Variants in SHANK2 observed in about 807,000 individuals in gnomAD.
SHANK2 encodes the protein SH3 and multiple ankyrin repeat domains 2.
SHANK2 carries 43 observed loss-of-function variants against 133.7 expected under a neutral mutation model. That is an observed-to-expected ratio of 0.32 (90% CI 0.25 to 0.41). The LOEUF (loss-of-function observed/expected upper bound fraction) is 0.41. SHANK2 is among the 10% of genes least tolerant of loss of function. The pLI is 1.00. For synonymous variants in SHANK2, 1,017 were observed against 952.8 expected, an observed-to-expected ratio of 1.07 and a Z score of -1.24; for missense variants, 1,994 against 2,235.8, an observed-to-expected ratio of 0.89 and a Z score of 2.18.
intron 10 of SHANK2, among the ~76,000 whole-genome samples, chr11:70,946,731 C>A (rs530311235): frequency 6.7e-6 from 1 of 148,866 alleles, no homozygotes; most frequent in East Asian, 2.1e-4. Context: ...ACCAACCCTT[C>A]CCTAGGCTCA....
intron 11 of SHANK2, among the ~76,000 whole-genome samples, chr11:70,831,502 T>C (rs1229513788): frequency 6.6e-6 from 1 of 152,046 alleles, no homozygotes; most frequent in Non-Finnish European, 1.5e-5. Flanking sequence ...CCGTGCCCCC[T>C]TGCCTCCCTC....
chr11:70,611,287 C>T (rs990998649), intron 17 of SHANK2, among the ~76,000 whole-genome samples: 3 of 152,212 alleles, frequency 2.0e-5, no homozygotes, highest in Non-Finnish European at 4.4e-5. Flanking sequence ...GGCATGTTCA[C>T]GGACACCTAT....
intron 14 of SHANK2, among the ~76,000 whole-genome samples, chr11:70,795,568 G>A (rs1408165217): frequency 6.6e-6 from 1 of 152,032 alleles, no homozygotes; most frequent in Non-Finnish European, 1.5e-5. Flanking sequence ...ACCATGTCCG[G>A]CTAATTTTTG....
chr11:70,582,814 T>C (rs1296746986), intron 17 of SHANK2, among the ~76,000 whole-genome samples: 1 of 152,200 alleles, frequency 6.6e-6, no homozygotes, highest in Non-Finnish European at 1.5e-5. Context: ...TAGACAAATG[T>C]AGACCCTGGG....
intron 10 of SHANK2, among the ~76,000 whole-genome samples, chr11:70,901,610 T>C (rs1225364305): frequency 2.0e-5 from 3 of 152,192 alleles, no homozygotes; most frequent in African/African-American, 7.2e-5. Context: ...GACAGATGCC[T>C]ACCTGCAGGG....
chr11:70,468,069 C>G lies in SHANK2; in HGVS notation c.*4800G>C, dbSNP rs1439581869. 1 of 152,526 alleles carries G rather than the reference C, an allele frequency of 6.6e-6. No individual in the cohort carries two copies. The highest frequency in any genetic ancestry group is 2.1e-4 in the South Asian group (1 of 4,822). 9.4% of individuals were successfully genotyped at this position (152,526 alleles called of 1,614,324 possible). Reference sequence around the variant, plus strand: ...ATTAATACATTGAAGATATATTTATCCTTTCATGAAAGATACAGCATTTGA... The same window carrying G: ...ATTAATACATTGAAGATATATTTATGCTTTCATGAAAGATACAGCATTTGA... On this transcript the variant is annotated 3_prime_UTR_variant, in exon 26 of 26. Transcript: ENST00000601538.
chr11:70,594,600 C>T (rs1357628957), intron 17 of SHANK2, among the ~76,000 whole-genome samples: 3 of 151,946 alleles, frequency 2.0e-5, no homozygotes, highest in Non-Finnish European at 4.4e-5. Flanking sequence ...AGGCTGAGGG[C>T]GGGCAGGGGC....
intron 2 of SHANK2, among the ~76,000 whole-genome samples, chr11:71,216,184 T>A (rs1954410187): frequency 6.6e-6 from 1 of 152,104 alleles, no homozygotes; most frequent in Non-Finnish European, 1.5e-5. Flanking sequence ...TGTCCAAGTG[T>A]GTAAAAGCCA....
chr11:71,149,129 G>C (rs1461080841), intron 2 of SHANK2, among the ~76,000 whole-genome samples: 3 of 152,206 alleles, frequency 2.0e-5, no homozygotes, highest in African/African-American at 7.2e-5. Context: ...GGGCAGGAGT[G>C]CAGGGGGCAG....
chr11:70,918,032 T>G (rs868986680), intron 10 of SHANK2, among the ~76,000 whole-genome samples: 2,546 of 150,458 alleles, frequency 0.017, 60 homozygotes, highest in African/African-American at 0.055. Context: ...TTTTTTTTTT[T>G]TTTTTTTTTT....
At chr11:70,947,187 A>G (rs938414189) in intron 10 of SHANK2, among the ~76,000 whole-genome samples, 1 of 115,612 alleles carries the variant, frequency 8.6e-6, no homozygotes, top group East Asian at 2.6e-4. Flanking sequence ...ACACACACAC[A>G]CTCGTGACGT....
At chr11:70,494,483 G>A (rs1402368245) in intron 21 of SHANK2, among the ~76,000 whole-genome samples, 3 of 152,044 alleles carry the variant, frequency 2.0e-5, no homozygotes, top group Non-Finnish European at 4.4e-5. Context: ...TAGTAGAGAC[G>A]GGGTTTCACC....
At chr11:70,801,324 A>G (rs1948040515) in intron 13 of SHANK2, among the ~76,000 whole-genome samples, 1 of 152,246 alleles carries the variant, frequency 6.6e-6, no homozygotes. Flanking sequence ...GGTCCCCCCA[A>G]CACGGGGAGC....
At chr11:71,094,336 C>T (rs536717236) in intron 7 of SHANK2, among the ~76,000 whole-genome samples, 11 of 152,204 alleles carry the variant, frequency 7.2e-5, no homozygotes, top group East Asian at 3.9e-4. Context: ...CTGAAAGCAT[C>T]GACAACCAGG....
intron 2 of SHANK2, among the ~76,000 whole-genome samples, chr11:71,156,569 C>T (rs1224944159): frequency 6.6e-6 from 1 of 152,198 alleles, no homozygotes; most frequent in African/African-American, 2.4e-5. Flanking sequence ...CTGGAGTCCA[C>T]GCCTAATTCC....
At position 71,229,121 on chromosome 11, in the gene SHANK2, CAA is replaced by C. The variant is rs1392253334; in HGVS notation, c.-112-4327_-112-4326del. On this transcript the variant is annotated intron_variant, in intron 1 of 25. Transcript: ENST00000601538. ...AGAACATCTGCGAAGAAACATGAGC[CAA>C]GATTCACCAAATAAAAACAAAATGC... 1.1e-3 allele frequency among the ~76,000 whole-genome samples: 168 copies of C among 152,244 alleles called. 2 individuals carry two copies. The highest frequency in any genetic ancestry group is 1.0e-4 in the Non-Finnish European group (7 of 68,018).
At chr11:70,546,489 G>A (rs1367919927) in intron 17 of SHANK2, among the ~76,000 whole-genome samples, 1 of 152,192 alleles carries the variant, frequency 6.6e-6, no homozygotes, top group East Asian at 1.9e-4. Context: ...TAGGGACAGA[G>A]ACCCCAATGC....
intron 14 of SHANK2, among the ~76,000 whole-genome samples, chr11:70,784,752 G>A (rs1177953248): frequency 1.3e-5 from 2 of 152,130 alleles, no homozygotes; most frequent in Non-Finnish European, 2.9e-5. Context: ...TGCTGGGTGG[G>A]GAAGTCAGGA....
chr11:71,193,812 C>G (rs1953842664), intron 2 of SHANK2, among the ~76,000 whole-genome samples: 1 of 152,202 alleles, frequency 6.6e-6, no homozygotes. Flanking sequence ...CCAGGGCCCT[C>G]TCCTTCGCCT....
Sources: allele counts gnomAD v4.1 joint callset (sites outside exome capture counted in the v4.1 genomes callset), GRCh38; gene constraint gnomAD v4.1.1; transcripts MANE v1.5; gene names NCBI Gene and HGNC (gene_info 2026-07-23, HGNC 2026-07-21).